Variants in CPNE4 observed in about 807,000 individuals in gnomAD.
The protein encoded by CPNE4 is copine 4.
A neutral mutation model predicts 67.9 loss-of-function variants in CPNE4; 25 were observed. The ratio of observed to expected loss-of-function variants is 0.37; its 90% CI spans 0.27 to 0.51. CPNE4 has a LOEUF of 0.51. Among genes scored for constraint, CPNE4 ranks in the 20% least tolerant of loss-of-function variants. CPNE4 has a pLI of 0.93. For missense variants in CPNE4, 464 were observed against 690.8 expected, an observed-to-expected ratio of 0.67 and a Z score of 3.68; for synonymous variants, 242 against 244.9, an observed-to-expected ratio of 0.99 and a Z score of 0.11.
chr3:131,885,245 A>G (rs2087833221), intron 2 of CPNE4, among the ~76,000 whole-genome samples: 1 of 152,176 alleles, frequency 6.6e-6, no homozygotes, highest in Admixed American at 6.5e-5. Context: ...GTTTTAGCAA[A>G]AAGACTGGTG....
intron 4 of CPNE4, among the ~76,000 whole-genome samples, chr3:131,698,549 A>G (rs902532411): frequency 2.0e-5 from 3 of 151,666 alleles, no homozygotes; most frequent in African/African-American, 7.3e-5. Flanking sequence ...AACTCAGGTA[A>G]GTTCTTGTGA....
At chr3:131,805,839 T>C (rs879605635) in intron 2 of CPNE4, among the ~76,000 whole-genome samples, 13 of 152,314 alleles carry the variant, frequency 8.5e-5, no homozygotes, top group Middle Eastern at 3.4e-3. Flanking sequence ...CACAAAGATA[T>C]GCCCAAGTCC....
chr3:131,825,528 G>A (rs1393310251), intron 2 of CPNE4, among the ~76,000 whole-genome samples: 1 of 151,056 alleles, frequency 6.6e-6, no homozygotes, highest in African/African-American at 2.4e-5. Context: ...ACTTCTGTCA[G>A]TAACCATCTT....
At chr3:132,018,347 A>G (rs1452343885) in intron 1 of CPNE4, among the ~76,000 whole-genome samples, 1 of 152,186 alleles carries the variant, frequency 6.6e-6, no homozygotes, top group Admixed American at 6.5e-5. Context: ...CTCCAAGGGA[A>G]CTGTGGCATG....
intron 2 of CPNE4, among the ~76,000 whole-genome samples, chr3:131,744,419 G>A (rs911230840): frequency 7.2e-5 from 11 of 152,116 alleles, no homozygotes; most frequent in African/African-American, 2.7e-4. Context: ...TCAATTGTAA[G>A]AAATAATAAA....
intron 9 of CPNE4, among the ~76,000 whole-genome samples, chr3:131,580,738 T>G (rs1448693384): frequency 1.3e-5 from 2 of 152,168 alleles, no homozygotes; most frequent in African/African-American, 2.4e-5. Context: ...CTCCCAGATT[T>G]GAGTTAAGAA....
intron 15 of CPNE4, among the ~76,000 whole-genome samples, chr3:131,539,347 C>T (rs79294221): frequency 0.038 from 5,837 of 152,274 alleles, 271 homozygotes; most frequent in African/African-American, 0.11. Context: ...CTCTCCAAGG[C>T]TCTGTCTTTC....
intron 7 of CPNE4, among the ~76,000 whole-genome samples, chr3:131,620,696 A>C (rs1255290556): frequency 2.0e-5 from 3 of 152,206 alleles, no homozygotes; most frequent in African/African-American, 7.2e-5. Context: ...AGTAAGAATC[A>C]AAGAAAGAGA....
intron 15 of CPNE4, among the ~76,000 whole-genome samples, chr3:131,535,903 T>C (rs1935115724): frequency 6.6e-6 from 1 of 152,224 alleles, no homozygotes; most frequent in South Asian, 2.1e-4. Flanking sequence ...AGCTCTTCTC[T>C]AGAGAATCAC....
Position 131,936,992 on chromosome 3 carries a change from A to C in CPNE4, c.-1-31548T>G, listed in dbSNP as rs182097242. 1.8e-3 allele frequency among the ~76,000 whole-genome samples: 270 copies of C among 152,166 alleles called. 2 individuals carry two copies. Among genetic ancestry groups the C allele is most frequent in the Admixed American group, 3.3e-3 (51 of 15,282 alleles). On this transcript the variant is annotated intron_variant, in intron 1 of 15. Coordinates refer to ENST00000429747, the MANE Select transcript of CPNE4 (RefSeq NM_130808.3). ...AAAAAAAGGCACATAAAGATAAAGA[A>C]AGAAAAAGTAATTAAAGATTAGAGA...
Position 131,593,029 on chromosome 3 carries a change from G to C in CPNE4, c.682-5447C>G, listed in dbSNP as rs146344519. 4.7e-3 allele frequency among the ~76,000 whole-genome samples: 709 copies of C among 152,316 alleles called. 9 individuals are homozygous for C. The highest frequency in any genetic ancestry group is 0.016 in the African/African-American group (685 of 41,574). On this transcript the variant is annotated intron_variant, in intron 7 of 15. Coordinates refer to ENST00000429747, the MANE Select transcript of CPNE4 (RefSeq NM_130808.3). ...GTACACTAGCTTTTTGTGATGGTCA[G>C]CTTCATGTGTCAACAAGGCTATCTG... is the stretch of plus-strand genomic sequence containing the variant.
At chr3:131,950,760 A>C (rs535276464) in intron 1 of CPNE4, among the ~76,000 whole-genome samples, 1 of 152,294 alleles carries the variant, frequency 6.6e-6, no homozygotes, top group South Asian at 2.1e-4. Flanking sequence ...GTTATTCAAA[A>C]CGTGTGTACC....
At chr3:131,563,777 A>G (rs1335420416) in intron 11 of CPNE4, among the ~76,000 whole-genome samples, 2 of 152,082 alleles carry the variant, frequency 1.3e-5, no homozygotes, top group Non-Finnish European at 2.9e-5. Flanking sequence ...TAAGGAATAC[A>G]TACTATATAA....
chr3:131,673,762 G>A (rs1008331020), intron 6 of CPNE4, among the ~76,000 whole-genome samples: 2 of 152,014 alleles, frequency 1.3e-5, no homozygotes, highest in Middle Eastern at 3.2e-3. Flanking sequence ...CTGCAAACAA[G>A]TATAAATTGA....
At chr3:131,628,261 A>T (rs557060596) in intron 7 of CPNE4, among the ~76,000 whole-genome samples, 10 of 152,138 alleles carry the variant, frequency 6.6e-5, no homozygotes, top group Non-Finnish European at 1.5e-4. Context: ...CATACCCAAG[A>T]CTGGGAAGAA....
intron 1 of CPNE4, among the ~76,000 whole-genome samples, chr3:131,923,772 G>A (rs1014534536): frequency 2.0e-5 from 3 of 150,476 alleles, no homozygotes; most frequent in African/African-American, 7.3e-5. Flanking sequence ...ACCAAAGAGG[G>A]GTCTGGGGTA....
At chr3:131,704,681 G>T (rs1243432241) in intron 3 of CPNE4, among the ~76,000 whole-genome samples, 1 of 152,166 alleles carries the variant, frequency 6.6e-6, no homozygotes, top group African/African-American at 2.4e-5. Context: ...ATGCTAATTA[G>T]ATGAACTCAT....
At chr3:131,724,166 C>T (rs1168224218) in intron 2 of CPNE4, among the ~76,000 whole-genome samples, 1 of 152,068 alleles carries the variant, frequency 6.6e-6, no homozygotes, top group Non-Finnish European at 1.5e-5. Flanking sequence ...TCATTTTAGC[C>T]AACTCTAAGT....
chr3:131,920,740 G>A (rs377677938), intron 1 of CPNE4, among the ~76,000 whole-genome samples: 2 of 151,948 alleles, frequency 1.3e-5, no homozygotes, highest in South Asian at 2.1e-4. Flanking sequence ...TATGATCTAT[G>A]GTGTCATCTC....
Sources: gnomAD v4.1 joint callset for allele counts (sites outside exome capture counted in the v4.1 genomes callset) on GRCh38, gnomAD v4.1.1 for gene constraint, MANE v1.5 for transcripts, NCBI Gene and HGNC (gene_info 2026-07-23, HGNC 2026-07-21) for gene names.